Variants in USP35 observed in about 807,000 individuals in gnomAD.
USP35 encodes the protein ubiquitin specific peptidase 35, also known as ubiquitin carboxyl-terminal hydrolase 35.
USP35 carries 69 observed loss-of-function variants against 83.8 expected under a neutral mutation model. That is an observed-to-expected ratio of 0.82 (90% CI 0.68 to 1.01). The LOEUF (loss-of-function observed/expected upper bound fraction) is 1.01, where lower values mean the gene tolerates loss of function less well. Ranked by LOEUF, USP35 falls within the 50% of genes least tolerant of loss-of-function variation. The pLI is 0.00. For synonymous variants in USP35, 714 were observed against 589.5 expected (o/e 1.21, Z -3.06); for missense variants, 1,503 against 1,362.5 (o/e 1.10, Z -1.62).
chr11:78,213,536 C>T (rs966352698), intron 10 of USP35, 110 bp from the exon 11 acceptor site: 24 of 1,281,198 alleles, frequency 1.9e-5, no homozygotes, highest in Non-Finnish European at 2.4e-5. Flanking sequence ...TCTGTGTGTC[C>T]AGGCCCTGGG....
chr11:78,223,965 C>T, the USP35 span, among the ~76,000 whole-genome samples: 2 of 152,070 alleles, frequency 1.3e-5, no homozygotes, highest in Non-Finnish European at 2.9e-5. Context: ...GCTTGTAGTC[C>T]CAGCTACTCA....
chr11:78,220,336 G>C, the USP35 span: 6 of 1,612,652 alleles, frequency 3.7e-6, no homozygotes, highest in East Asian at 1.3e-4. Context: ...TGGGGGCTTG[G>C]GGAGCTCGGC....
rs746744725 is a variant in USP35, at chr11:78,209,502, C to T, written c.1647C>T (p.Ser549=). The change falls in exon 10 of 11, where the codon TCC becomes TCT. Residue 549 remains serine, a synonymous_variant. Transcript: ENST00000529308. ...GGATCTGCCAGAAACTCAAGCAGTC[C>T]AGCTCGCCCTCTCCGCCCGAGGAGC... ...GTRICQKLKQ[S]SSPSPPEEPP... 1.2e-6 allele frequency: 2 copies of T among 1,613,766 alleles called. No homozygotes were observed. Among genetic ancestry groups the T allele is most frequent in the Non-Finnish European group, 1.7e-6 (2 of 1,179,808 alleles).
chr11:78,231,628 G>A, the USP35 span, among the ~76,000 whole-genome samples: 3 of 152,166 alleles, frequency 2.0e-5, no homozygotes, highest in Non-Finnish European at 2.9e-5. Flanking sequence ...GATTACAGGC[G>A]TGAGCCACTG....
intron 10 of USP35, 126 bp from the exon 11 acceptor site, chr11:78,213,520 A>C: frequency 8.9e-7 from 1 of 1,125,314 alleles, no homozygotes; most frequent in Non-Finnish European, 1.2e-6. Flanking sequence ...ACTGAGCTGC[A>C]ATGTCTCTGT....
At chr11:78,222,032 G>T in the USP35 span, 6 of 977,220 alleles carry the variant, frequency 6.1e-6, no homozygotes, top group Admixed American at 6.8e-5. Context: ...CCGGCCCACA[G>T]GCCAGCTACC....
At chr11:78,195,479 C>T (rs894367475) in intron 1 of USP35, among the ~76,000 whole-genome samples, 20 of 152,104 alleles carry the variant, frequency 1.3e-4, no homozygotes, top group African/African-American at 4.6e-4. Flanking sequence ...GGACCTCTGT[C>T]GGTTCTCCCT....
At chr11:78,211,646 C>G (rs573685015) in intron 10 of USP35, among the ~76,000 whole-genome samples, 3 of 152,322 alleles carry the variant, frequency 2.0e-5, no homozygotes, top group African/African-American at 7.2e-5. Context: ...AATCACCATT[C>G]TGGCTTGCGT....
Position 78,210,681 on chromosome 11 carries a change from A to G in USP35, c.2826A>G (p.Thr942=), listed in dbSNP as rs201712493. ...EAELGSSRVR[T]EPTLHKDLME... ...AGTTGGGCTCTTCTAGAGTCCGGAC[A>G]GAGCCCACCCTGCACAAGGACTTGA... The change falls in exon 10 of 11, where the codon ACA becomes ACG. Residue 942 remains threonine, a synonymous_variant. Coordinates refer to ENST00000529308, the MANE Select transcript of USP35 (RefSeq NM_020798.4). 4.7e-4 allele frequency: 750 copies of G among 1,608,214 alleles called. 1 individual carries two copies. In the African/African-American group the frequency reaches 8.9e-3, roughly 19 times the overall value.
chr11:78,219,533 C>T (rs1864313333), downstream of USP35: 4 of 906,206 alleles, frequency 4.4e-6, no homozygotes, highest in Admixed American at 6.0e-5. Flanking sequence ...ATGGCCTCTG[C>T]CTGCCACTGA....
chr11:78,221,798 GT>G, the USP35 span: 1 of 1,553,268 alleles, frequency 6.4e-7, no homozygotes, highest in Non-Finnish European at 8.9e-7. Context: ...GGAAGGAAGA[GT>G]TAACACTGGG....
At chr11:78,191,118 C>T (rs1175449093) in intron 1 of USP35, among the ~76,000 whole-genome samples, 1 of 152,112 alleles carries the variant, frequency 6.6e-6, no homozygotes, top group Non-Finnish European at 1.5e-5. Flanking sequence ...TGAGCGGGGG[C>T]CCAGGGCGTG....
In USP35 at chr11:78,214,377, T is replaced by TGGGCGG. The variant is rs139748612; in HGVS notation, c.*564_*565insGGGCGG. On this transcript the variant is annotated 3_prime_UTR_variant, in exon 11 of 11. Transcript: ENST00000529308. ...CCTTACCAAGCGCCACTGCATGGTTTTGGGGGGGGGGGCGGGGGGCTAGCT... is the reference window on the plus strand; with the variant it reads ...CCTTACCAAGCGCCACTGCATGGTTTGGGCGGTGGGGGGGGGGGCGGGGGGCTAGCT... The TGGGCGG allele has an allele frequency of 7.6e-5, 4 of 52,888 alleles. No individual in the cohort carries two copies. The highest frequency in any genetic ancestry group is 1.8e-4 in the Non-Finnish European group (4 of 22,408). The allele number at this position is 52,888 out of a possible 1,614,324, so 3.3% of individuals were successfully genotyped here. A position where few individuals can be genotyped will look rare whatever the true frequency, so the allele number is the denominator to read the frequency against.
chr11:78,225,900 G>A, the USP35 span, among the ~76,000 whole-genome samples: 1 of 152,152 alleles, frequency 6.6e-6, no homozygotes, highest in African/African-American at 2.4e-5. Flanking sequence ...AATTAATATT[G>A]TTCTATTTTT....
intron 10 of USP35, among the ~76,000 whole-genome samples, chr11:78,211,037 C>T (rs1272185046): frequency 6.6e-6 from 1 of 152,108 alleles, no homozygotes; most frequent in Non-Finnish European, 1.5e-5. Flanking sequence ...CAGATCAACC[C>T]ATCACCTAAG....
chr11:78,211,935 T>G (rs891561143), intron 10 of USP35, among the ~76,000 whole-genome samples: 1 of 152,256 alleles, frequency 6.6e-6, no homozygotes, highest in Non-Finnish European at 1.5e-5. Flanking sequence ...GCATAAGCTC[T>G]TTAGTTTAAG....
At chr11:78,200,841 C>A in intron 6 of USP35, 33 bp downstream of exon 6, 1 of 1,567,416 alleles carries the variant, frequency 6.4e-7, no homozygotes, top group Non-Finnish European at 8.7e-7. Context: ...GGCCTTGCCC[C>A]ACTCTGACAA....
At chr11:78,208,602 G>C (rs1863609824) in intron 8 of USP35, among the ~76,000 whole-genome samples, 3 of 152,188 alleles carry the variant, frequency 2.0e-5, no homozygotes, top group Non-Finnish European at 4.4e-5. Flanking sequence ...AATGTTTGAG[G>C]TGTGCCAGGA....
Position 78,196,937 on chromosome 11 carries a change from C to A in USP35, c.673+19C>A, listed in dbSNP as rs760387433. On this transcript the variant is annotated intron_variant, in intron 2 of 10. Transcript: ENST00000529308. This position sits in a 1 kb window ranked among gnomAD's most constrained non-coding sequence, Gnocchi z 4.8. ...TGCGCAGGTGCGTGTGCGGCCGGGG[C>A]AGGAGCGCGGGCATGCGGAGGTCCT... 2 of 1,437,252 alleles carry A rather than the reference C, an allele frequency of 1.4e-6. No homozygotes were observed. The highest frequency in any genetic ancestry group is 2.7e-5 in the East Asian group (1 of 37,614). 89.0% of individuals were successfully genotyped at this position (1,437,252 alleles called of 1,614,324 possible). A position where few individuals can be genotyped will look rare whatever the true frequency, so the allele number is the denominator to read the frequency against.
Sources: allele counts gnomAD v4.1 joint callset (sites outside exome capture counted in the v4.1 genomes callset), GRCh38; gene constraint gnomAD v4.1.1; non-coding constraint Gnocchi (gnomAD v3.1); transcripts MANE v1.5; gene names NCBI Gene and HGNC (gene_info 2026-07-23, HGNC 2026-07-21).